Variants in ZNF17 observed in about 807,000 individuals in gnomAD.
ZNF17 encodes zinc finger protein 17 (HPF3, KOX 10).
In ZNF17, 4 loss-of-function variants were observed where a neutral mutation model predicts 7.7. The ratio of observed to expected loss-of-function variants is 0.52; its 90% confidence interval spans 0.26 to 1.20. The LOEUF (loss-of-function observed/expected upper bound fraction) is 1.20. Ranked by LOEUF, ZNF17 falls within the 50% of genes most tolerant of loss-of-function variation. The pLI, the probability that ZNF17 is intolerant of heterozygous loss-of-function variation, is 0.14. For missense variants in ZNF17, 738 were observed against 799.5 expected (o/e 0.92, Z 0.93); for synonymous variants, 249 against 258.8 (o/e 0.96, Z 0.36).
In ZNF17 at chr19:57,414,209, T is replaced by A. The variant is rs181591973; in HGVS notation, c.21+573T>A. Among the ~76,000 whole-genome samples the A allele has an allele frequency of 8.8e-3, 1,332 of 151,944 alleles. 22 individuals carry two copies. The highest frequency in any genetic ancestry group is 0.03 in the African/African-American group (1,263 of 41,440). ...CCACCATGCCCGGCTAATTTTTGTA[T>A]TTTTTAGTAGAGATGGGGTTTCACC... is the stretch of plus-strand genomic sequence containing the variant. On this transcript the variant is annotated intron_variant, in intron 2 of 3. Transcript: ENST00000307658.
At chr19:57,418,112 C>T in intron 3 of ZNF17, 74 bp downstream of exon 3, 1 of 1,556,276 alleles carries the variant, frequency 6.4e-7, no homozygotes, top group Non-Finnish European at 8.7e-7. Flanking sequence ...GCATCTCCGT[C>T]TCACACCAGG....
chr19:57,412,527 C>G (rs1293722351), intron 1 of ZNF17, among the ~76,000 whole-genome samples: 4 of 151,450 alleles, frequency 2.6e-5, no homozygotes, highest in Non-Finnish European at 5.9e-5. Flanking sequence ...TCACTGCAAG[C>G]TCCGCCTCCC....
chr19:57,413,624 G>A lies in ZNF17; in HGVS notation c.9G>A (p.Met3Ile). Residue 3 changes from methionine (M) to isoleucine (I), a missense_variant, in exon 2 of 4, where the codon ATG (methionine) becomes ATA (isoleucine). Met to Ile is a conservative substitution (Grantham distance 10, BLOSUM62 1). This residue lies in a region of ZNF17 where 616 missense variants were observed against 663.9 expected (regional missense o/e 0.93). Coordinates refer to ENST00000307658, the MANE Select transcript of ZNF17 (RefSeq NM_001330617.2). ML[M>I]DAGQDYMVFE... ...TCATAGCAGTGGCAGCAATGCTTAT[G>A]GATGCTGGACAGGTGAGTGGAGAGT... The A allele has an allele frequency of 6.5e-7, 1 of 1,536,086 alleles. No homozygotes were observed. The highest frequency in any genetic ancestry group is 2.4e-5 in the East Asian group (1 of 40,916).
rs998619683 is a variant in ZNF17, at chr19:57,420,201, C to T, written c.715C>T (p.Gln239Ter). 5 of 1,613,196 alleles carry T rather than the reference C, an allele frequency of 3.1e-6. No individual in the cohort carries two copies. Among genetic ancestry groups the T allele is most frequent in the Admixed American group, 1.7e-5 (1 of 60,016 alleles). Residue 239 changes from glutamine (Q) to a stop codon, truncating the protein, a stop_gained, in exon 4 of 4, where the codon CAG becomes TAG. Coordinates refer to ENST00000307658, the MANE Select transcript of ZNF17 (RefSeq NM_001330617.2). LOFTEE classifies it low-confidence loss of function (END_TRUNC). ...FRYNSDLIKHQRNHTGERPYK... is the reference protein window; with the variant it reads ...FRYNSDLIKH ...GTACAACTCCGACCTTATTAAACAT[C>T]AGCGAAATCATACTGGAGAAAGGCC... is the stretch of plus-strand genomic sequence containing the variant.
At position 57,421,639 on chromosome 19, in the gene ZNF17, A is replaced by C; in HGVS notation, c.*158A>C. The stretch of plus-strand genomic sequence containing the variant: ...TTAAAGTGTATAGTTCAGTACTGTT[A>C]AGTCATTCACATTGTGCAATGAATA... On this transcript the variant is annotated 3_prime_UTR_variant, in exon 4 of 4. Coordinates refer to ENST00000307658, the MANE Select transcript of ZNF17 (RefSeq NM_001330617.2). 1.3e-6 allele frequency: 1 copy of C among 762,160 alleles called. No homozygotes were observed. 47.2% of individuals were successfully genotyped at this position (762,160 alleles called of 1,614,324 possible).
In ZNF17 at chr19:57,421,460, C is replaced by T. The variant is rs2088851822; in HGVS notation, c.1974C>T (p.His658=). Residue 658 remains histidine, a synonymous_variant, in exon 4 of 4, where the codon CAC becomes CAT. Coordinates refer to ENST00000307658, the MANE Select transcript of ZNF17 (RefSeq NM_001330617.2). ...VFNQNSHLIQ[H]QKVHTR ...ACCAAAATTCTCATCTCATTCAGCA[C>T]CAGAAAGTTCACACCAGATAAAGAA... is the stretch of plus-strand genomic sequence containing the variant. 1.2e-6 allele frequency: 2 copies of T among 1,607,752 alleles called. No individual in the cohort carries two copies. Among genetic ancestry groups the T allele is most frequent in the African/African-American group, 1.3e-5 (1 of 74,622 alleles).
chr19:57,420,608 A>G lies in ZNF17; in HGVS notation c.1122A>G (p.Thr374=), dbSNP rs1365827228. Residue 374 remains threonine (T), a synonymous_variant, in exon 4 of 4, where the codon ACA becomes ACG. Transcript: ENST00000307658. ...GGAAATTCTTTATGGACAGCTGCAC[A>G]CTCATTATTCACCAGAGAGTTCATA... The part of the protein sequence containing the change: ...ECGKFFMDSC[T]LIIHQRVHTG... The G allele has an allele frequency of 1.2e-6, 2 of 1,614,094 alleles. No individual in the cohort carries two copies. Among genetic ancestry groups the G allele is most frequent in the Non-Finnish European group, 1.7e-6 (2 of 1,180,026 alleles).
chr19:57,411,262 T>C lies in ZNF17; in HGVS notation c.-165T>C. The C allele has an allele frequency of 1.5e-6, 2 of 1,315,346 alleles. No homozygotes were observed. Among genetic ancestry groups the C allele is most frequent in the Non-Finnish European group, 2.1e-6 (2 of 969,298 alleles). The allele number at this position is 1,315,346 out of a possible 1,614,324, so 81.5% of individuals were successfully genotyped here. On this transcript the variant is annotated 5_prime_UTR_variant, in exon 1 of 4. Transcript: ENST00000307658. ...AAAGCGGAAAAACGCGAGAAAAGGTTTCCCCGTTGTACAGAGGCTAGAGTG... is the reference window on the plus strand; with the variant it reads ...AAAGCGGAAAAACGCGAGAAAAGGTCTCCCCGTTGTACAGAGGCTAGAGTG...
chr19:57,413,507 T>C, intron 1 of ZNF17, 89 bp from the exon 2 acceptor site: 4 of 1,421,416 alleles, frequency 2.8e-6, no homozygotes, highest in South Asian at 2.5e-5. Flanking sequence ...ATAACTTTGC[T>C]CTAGTTGCAG....
At position 57,421,092 on chromosome 19, in the gene ZNF17, T is replaced by A. The variant is rs2088848229; in HGVS notation, c.1606T>A (p.Phe536Ile). 6.2e-7 allele frequency: 1 copy of A among 1,613,632 alleles called. No individual in the cohort carries two copies. The highest frequency in any genetic ancestry group is 8.5e-7 in the Non-Finnish European group (1 of 1,179,778). ...TTATGAGTGTAGTGAATGTGGGAAA[T>A]TCTTTAGGCACAACTCAAATCATAT... is the stretch of plus-strand genomic sequence containing the variant. ...RPYECSECGK[F>I]FRHNSNHIRH... is the part of the protein sequence containing the mutation. Residue 536 changes from phenylalanine (F) to isoleucine (I), a missense_variant, in exon 4 of 4, where the codon TTC becomes ATC. This residue lies in a region of ZNF17 where 616 missense variants were observed against 663.9 expected (regional missense o/e 0.93). Coordinates refer to ENST00000307658, the MANE Select transcript of ZNF17 (RefSeq NM_001330617.2).
In ZNF17 at chr19:57,420,730, C is replaced by A; in HGVS notation, c.1244C>A (p.Pro415His). The change falls in exon 4 of 4, where the codon CCT becomes CAT. Residue 415 changes from proline to histidine, a missense_variant. Physicochemically the swap from Pro to His is moderately conservative, Grantham distance 77 (BLOSUM62 -2). Transcript: ENST00000307658. ...CAGAAAGTTCACACTGGAGAAAAGC[C>A]TTATGAGTGTAGTGAATGTGGGAAG... ...RHQKVHTGEK[P>H]YECSECGKFF... 6.2e-7 allele frequency: 1 copy of A among 1,614,132 alleles called. No homozygotes were observed. The highest frequency in any genetic ancestry group is 1.7e-5 in the Admixed American group (1 of 60,018).
rs2123058374 is a variant in ZNF17 at position 57,411,336 on chromosome 19, G to C, written c.-91G>C. On this transcript the variant is annotated 5_prime_UTR_variant, in exon 1 of 4. Transcript: ENST00000307658. ...GCGTTGGTGCCTCTGTCAGCGTCCA[G>C]GTCACTGCCGCTCCCGCCCCGCTCT... 1.9e-6 allele frequency: 3 copies of C among 1,598,838 alleles called. No homozygotes were observed. The highest frequency in any genetic ancestry group is 1.1e-5 in the South Asian group (1 of 88,650).
In ZNF17 at chr19:57,417,908, G is replaced by A; in HGVS notation, c.22-4G>A. The A allele has an allele frequency of 5.6e-6, 9 of 1,613,642 alleles. No homozygotes were observed. The highest frequency in any genetic ancestry group is 7.6e-6 in the Non-Finnish European group (9 of 1,179,894). On this transcript the variant is annotated splice_polypyrimidine_tract_variant and splice_region_variant and intron_variant, in intron 2 of 3. Coordinates refer to ENST00000307658, the MANE Select transcript of ZNF17 (RefSeq NM_001330617.2). ...CACAGACTAAACTGTTATAATTTTG[G>A]CAGGATTATATGGTTTTTGAGGACG...
chr19:57,420,478 C>T lies in ZNF17; in HGVS notation c.992C>T (p.Pro331Leu). 1 of 1,614,176 alleles carries T rather than the reference C, an allele frequency of 6.2e-7. No individual in the cohort carries two copies. The highest frequency in any genetic ancestry group is 2.2e-5 in the East Asian group (1 of 44,880). The change falls in exon 4 of 4, where the codon CCT becomes CTT. Residue 331 changes from proline to leucine, a missense_variant. Pro to Leu is a moderately conservative substitution (Grantham distance 98, BLOSUM62 -3). Around this residue, in one of 3 missense-constraint regions of ZNF17, gnomAD observed 616 missense variants for 663.9 expected, o/e 0.93. Transcript: ENST00000307658. ...CAGAAAATTCATACTGGAGAACGGC[C>T]TTATGGATGCAATGAATGTGGGAAA... ...GHQKIHTGER[P>L]YGCNECGKYF...
Position 57,421,649 on chromosome 19 carries a change from C to T in ZNF17, c.*168C>T, listed in dbSNP as rs1490599453. 4.2e-6 allele frequency: 3 copies of T among 713,008 alleles called. No individual in the cohort carries two copies. Among genetic ancestry groups the T allele is most frequent in the African/African-American group, 1.8e-5 (1 of 55,736 alleles). 44.2% of individuals were successfully genotyped at this position (713,008 alleles called of 1,614,324 possible). A position where few individuals can be genotyped will look rare whatever the true frequency, so the allele number is the denominator to read the frequency against. ...TAGTTCAGTACTGTTAAGTCATTCA[C>T]ATTGTGCAATGAATATCTAGAAGTC... On this transcript the variant is annotated 3_prime_UTR_variant, in exon 4 of 4. Coordinates refer to ENST00000307658, the MANE Select transcript of ZNF17 (RefSeq NM_001330617.2).
Position 57,421,565 on chromosome 19 carries a change from A to T in ZNF17, c.*84A>T, listed in dbSNP as rs1352832232. ...GCACTGGGACCTACGTTTTAAAAAA[A>T]GTATTCTTGTAGAATACAGATAACA... On this transcript the variant is annotated 3_prime_UTR_variant, in exon 4 of 4. Coordinates refer to ENST00000307658, the MANE Select transcript of ZNF17 (RefSeq NM_001330617.2). 7.0e-7 allele frequency: 1 copy of T among 1,435,878 alleles called. No individual in the cohort carries two copies. The highest frequency in any genetic ancestry group is 9.4e-7 in the Non-Finnish European group (1 of 1,066,208). The allele number at this position is 1,435,878 out of a possible 1,614,324, so 88.9% of individuals were successfully genotyped here.
intron 1 of ZNF17, among the ~76,000 whole-genome samples, chr19:57,412,890 T>G (rs1481823596): frequency 6.6e-6 from 1 of 152,018 alleles, no homozygotes; most frequent in Non-Finnish European, 1.5e-5. Flanking sequence ...TTTTTCTTTT[T>G]TTTTTTGAGA....
At chr19:57,416,960 A>G (rs2123066285) in intron 2 of ZNF17, among the ~76,000 whole-genome samples, 1 of 152,234 alleles carries the variant, frequency 6.6e-6, no homozygotes, top group South Asian at 2.1e-4. Flanking sequence ...GGTGGAGGCT[A>G]GCAGGGTGTG....
At chr19:57,411,875 T>G (rs546578941) in intron 1 of ZNF17, among the ~76,000 whole-genome samples, 2 of 152,102 alleles carry the variant, frequency 1.3e-5, no homozygotes, top group South Asian at 4.1e-4. Context: ...ATCTCAGAGA[T>G]AGAGTCGACA....
Sources: gnomAD v4.1 joint callset for allele counts (sites outside exome capture counted in the v4.1 genomes callset) on GRCh38, gnomAD v4.1.1 for gene constraint, gnomAD v4.1.1 regional missense constraint, MANE v1.5 for transcripts, NCBI Gene and HGNC (gene_info 2026-07-23, HGNC 2026-07-21) for gene names.